Variants in TRIM66 observed in about 807,000 individuals in gnomAD.
The protein encoded by TRIM66 is tripartite motif-containing protein 66.
Under a neutral mutation model 148.2 loss-of-function variants are expected in TRIM66, and 99 were observed. The ratio of observed to expected loss-of-function variants is 0.67; its 90% confidence interval spans 0.57 to 0.79. The LOEUF is 0.79. Ranked by LOEUF, TRIM66 falls within the 30% of genes least tolerant of loss-of-function variation. TRIM66 has a pLI of 0.00. For synonymous variants in TRIM66, 616 were observed against 635.9 expected (o/e 0.97, Z 0.47); for missense variants, 1,666 against 1,697.9 (o/e 0.98, Z 0.33).
rs1335171677 is a variant in TRIM66 at position 8,638,697 on chromosome 11, A to C, written c.2267T>G (p.Val756Gly). The change falls in exon 15 of 25, where the codon GTG becomes GGG. Residue 756 changes from valine to glycine, a missense_variant. Transcript: ENST00000646038. ...GEETPLSVPP[V>G]DSTIQHSSPN... Reference sequence around the variant, plus strand: ...AGAGGAGTGCTGGATGGTGCTGTCCACTGGGGGGACACTGAGAGGGGTTTC... The same window carrying C: ...AGAGGAGTGCTGGATGGTGCTGTCCCCTGGGGGGACACTGAGAGGGGTTTC... 11 of 1,549,508 alleles carry C rather than the reference A, an allele frequency of 7.1e-6. No individual in the cohort carries two copies. The African/African-American group carries it at 1.2e-4, about 17-fold the overall frequency.
In TRIM66 at chr11:8,618,980, G is replaced by GT; in HGVS notation, c.3901-13_3901-12insA. The GT allele has an allele frequency of 5.8e-6, 9 of 1,550,268 alleles. No individual in the cohort carries two copies. Among genetic ancestry groups the GT allele is most frequent in the Non-Finnish European group, 7.9e-6 (9 of 1,145,940 alleles). On this transcript the variant is annotated splice_polypyrimidine_tract_variant and intron_variant, in intron 23 of 24. Transcript: ENST00000646038. ...ACCTCGGAGTCAGGCTGATGGGGGA[G>GT]GAGAGCAGTGATGGTCTAGCCTGTT...
intron 6 of TRIM66, among the ~76,000 whole-genome samples, chr11:8,658,509 A>G (rs1380428409): frequency 6.6e-6 from 1 of 152,206 alleles, no homozygotes; most frequent in African/African-American, 2.4e-5. Flanking sequence ...TCATTTAAAT[A>G]GAGCTCATCA....
chr11:8,619,256 G>T, intron 23 of TRIM66, 127 bp downstream of exon 23: 1 of 1,114,980 alleles, frequency 9.0e-7, no homozygotes, highest in Non-Finnish European at 1.3e-6. Flanking sequence ...CACCACAGCA[G>T]GCCCCCAGAA....
chr11:8,649,136 C>T (rs2037125109), intron 8 of TRIM66, among the ~76,000 whole-genome samples: 1 of 152,198 alleles, frequency 6.6e-6, no homozygotes, highest in African/African-American at 2.4e-5. Flanking sequence ...GTCAGGGGTT[C>T]AAGACCAGCC....
intron 9 of TRIM66, 31 bp downstream of exon 9, chr11:8,648,385 C>T: frequency 6.5e-7 from 1 of 1,549,276 alleles, no homozygotes; most frequent in Non-Finnish European, 8.7e-7. Context: ...GAGCCCTCCC[C>T]AGCCCATTTC....
At chr11:8,674,744 T>C (rs772338614) in intron 4 of TRIM66, 62 bp downstream of exon 4, 4 of 152,206 alleles carry the variant, frequency 2.6e-5, no homozygotes, top group Non-Finnish European at 5.9e-5. Context: ...AGTCACATTG[T>C]TTCTCATATG....
At chr11:8,680,307 A>G (rs1262164677) in intron 1 of TRIM66, among the ~76,000 whole-genome samples, 1 of 152,246 alleles carries the variant, frequency 6.6e-6, no homozygotes. Context: ...TTGATCAAGT[A>G]AAAGAATGAA....
Position 8,641,167 on chromosome 11 carries a change from TAG to T in TRIM66, c.1223-17_1223-16del. The T allele has an allele frequency of 6.5e-7, 1 of 1,533,984 alleles. No homozygotes were observed. On this transcript the variant is annotated splice_polypyrimidine_tract_variant and intron_variant, in intron 13 of 24. Transcript: ENST00000646038. Reference sequence around the variant, plus strand: ...AGTTATGCAGCCTGAAAATGCAGAATAGAGAGTTTTTCAAAAGTTTTTCAAGT... The same window carrying T: ...AGTTATGCAGCCTGAAAATGCAGAATAGAGTTTTTCAAAAGTTTTTCAAGT...
intron 1 of TRIM66, 199 bp downstream of exon 1, chr11:8,682,402 T>G: frequency 4.3e-6 from 1 of 231,314 alleles, no homozygotes; most frequent in Admixed American, 5.5e-5. Flanking sequence ...ACTGTGGAGG[T>G]GCGCGGGGCG....
At chr11:8,660,944 C>T (rs570461832) in intron 6 of TRIM66, among the ~76,000 whole-genome samples, 9 of 152,310 alleles carry the variant, frequency 5.9e-5, no homozygotes, top group Admixed American at 5.9e-4. Flanking sequence ...GGTGAGGCTA[C>T]AGCATTAGTT....
At chr11:8,626,677 T>G (rs565505802) in intron 15 of TRIM66, among the ~76,000 whole-genome samples, 2 of 152,186 alleles carry the variant, frequency 1.3e-5, no homozygotes, top group Non-Finnish European at 2.9e-5. Context: ...GAGAAGTATT[T>G]TCAAAACACG....
intron 15 of TRIM66, among the ~76,000 whole-genome samples, chr11:8,628,636 A>AAAAAAAAAAAAAAAAAAAGAGAAAG (rs1555042270): frequency 1.1e-5 from 1 of 93,340 alleles, no homozygotes; most frequent in Non-Finnish European, 2.3e-5. Context: ...AAAAAAAAAA[A>AAAAAAAAAAAAAAAAAAAGAGAAAG]AGAGAGAGAA....
rs1229017065 is a variant in TRIM66, at chr11:8,612,408, A to G, written c.*5536T>C. ...TTAAAATCATAATTAACATCTTTAC[A>G]GCTGGAGAGCTGAGAGATCACTGTT... On this transcript the variant is annotated 3_prime_UTR_variant, in exon 25 of 25. Transcript: ENST00000646038. 1 of 152,184 alleles carries G rather than the reference A, an allele frequency of 6.6e-6. No individual in the cohort carries two copies. Among genetic ancestry groups the G allele is most frequent in the Admixed American group, 6.5e-5 (1 of 15,278 alleles). The allele number at this position is 152,184 out of a possible 1,614,324, so 9.4% of individuals were successfully genotyped here. A position where few individuals can be genotyped will look rare whatever the true frequency, so the allele number is the denominator to read the frequency against.
At position 8,624,452 on chromosome 11, in the gene TRIM66, G is replaced by C. The variant is rs1051796547; in HGVS notation, c.2926C>G (p.Leu976Val). ...ACAGAGAGGTTAATTGGCTCCTCCA[G>C]TTCTGAGGGGATGGCCAAGTCCTTG... ...APKDLAIPSE[L>V]EEPINLSVKK... is the part of the protein sequence containing the mutation. The change falls in exon 17 of 25, where the codon CTG becomes GTG. Residue 976 changes from leucine (L) to valine (V), a missense_variant. Transcript: ENST00000646038. 3 of 1,551,554 alleles carry C rather than the reference G, an allele frequency of 1.9e-6. No individual in the cohort carries two copies. The highest frequency in any genetic ancestry group is 1.4e-5 in the African/African-American group (1 of 73,032).
In TRIM66 at chr11:8,624,870, T is replaced by C; in HGVS notation, c.2669A>G (p.Gln890Arg). The C allele has an allele frequency of 6.4e-7, 1 of 1,551,724 alleles. No homozygotes were observed. The highest frequency in any genetic ancestry group is 1.4e-5 in the African/African-American group (1 of 73,188). ...ACAAGTTGCCAGACTCGGCACAGCC[T>C]GGGTGTGACCAGACATTAGGCTGGG... ...AGPSLMSGHT[Q>R]AVPSLATCPL... Residue 890 changes from glutamine to arginine, a missense_variant, in exon 16 of 25, where the codon CAG (glutamine) becomes CGG (arginine). Transcript: ENST00000646038.
chr11:8,622,365 C>CACACACACACACACACACATATATATAT lies in TRIM66; in HGVS notation c.3080+450_3080+451insATATATATATGTGTGTGTGTGTGTGTGT. ...ACACACACACACACACACACACACA[C>CACACACACACACACACACATATATATAT]ATATATATATATATATATCTCCTAC... On this transcript the variant is annotated intron_variant, in intron 18 of 24. Transcript: ENST00000646038. Among the ~76,000 whole-genome samples, 76 of 59,602 alleles carry CACACACACACACACACACATATATATAT rather than the reference C, an allele frequency of 1.3e-3. 2 individuals are homozygous for CACACACACACACACACACATATATATAT. Among genetic ancestry groups the CACACACACACACACACACATATATATAT allele is most frequent in the Non-Finnish European group, 2.1e-3 (55 of 25,594 alleles). The allele number at this position is 59,602 out of a possible 152,430, so 39.1% of individuals were successfully genotyped here. A position where few individuals can be genotyped will look rare whatever the true frequency, so the allele number is the denominator to read the frequency against.
intron 6 of TRIM66, among the ~76,000 whole-genome samples, chr11:8,659,243 C>G (rs780064580): frequency 6.6e-6 from 1 of 152,144 alleles, no homozygotes; most frequent in African/African-American, 2.4e-5. Context: ...GACCTTCATC[C>G]TAAAATAAAA....
rs1025209816 is a variant in TRIM66, at chr11:8,638,698, C to A, written c.2266G>T (p.Val756Leu). The change falls in exon 15 of 25, where the codon GTG becomes TTG. Residue 756 changes from valine (V) to leucine (L), a missense_variant. Physicochemically the swap from Val to Leu is conservative, Grantham distance 32. Around this residue, in one of 3 missense-constraint regions of TRIM66, gnomAD observed 1,431 missense variants for 1,412.4 expected, o/e 1.01. Transcript: ENST00000646038. ...GAGGAGTGCTGGATGGTGCTGTCCA[C>A]TGGGGGGACACTGAGAGGGGTTTCT... ...GEETPLSVPPVDSTIQHSSPN... is the reference protein window; with the variant it reads ...GEETPLSVPPLDSTIQHSSPN... The A allele has an allele frequency of 1.3e-6, 2 of 1,549,678 alleles. No individual in the cohort carries two copies. The highest frequency in any genetic ancestry group is 2.0e-5 in the Admixed American group (1 of 50,594).
At chr11:8,638,227 T>G (rs2133042364) in intron 15 of TRIM66, among the ~76,000 whole-genome samples, 1 of 152,336 alleles carries the variant, frequency 6.6e-6, no homozygotes, top group Non-Finnish European at 1.5e-5. Flanking sequence ...TGATCTCATT[T>G]TAAATAAACC....
Sources: gnomAD v4.1 joint callset for allele counts (sites outside exome capture counted in the v4.1 genomes callset) on GRCh38, gnomAD v4.1.1 for gene constraint, gnomAD v4.1.1 regional missense constraint, MANE v1.5 for transcripts, NCBI Gene and HGNC (gene_info 2026-07-23, HGNC 2026-07-21) for gene names.